KIF2A: variants seen among roughly 807,000 people sequenced by gnomAD.
KIF2A encodes the protein kinesin-like protein KIF2A.
In KIF2A, 22 loss-of-function variants were observed where a neutral mutation model predicts 100.2. The ratio of observed to expected loss-of-function variants is 0.22; its 90% CI spans 0.16 to 0.31. The LOEUF (loss-of-function observed/expected upper bound fraction) is 0.31, where lower values mean the gene tolerates loss of function less well. Ranked by LOEUF, KIF2A falls within the 10% of genes least tolerant of loss-of-function variation. KIF2A has a pLI of 1.00. For synonymous variants in KIF2A, 268 were observed against 285.9 expected, an observed-to-expected ratio of 0.94 and a Z score of 0.63; for missense variants, 495 against 898.7, an observed-to-expected ratio of 0.55 and a Z score of 5.74.
chr5:62,361,186 C>T, intron 9 of KIF2A, 56 bp from the exon 10 acceptor site: 1 of 879,534 alleles, frequency 1.1e-6, no homozygotes, highest in Non-Finnish European at 1.8e-6. Flanking sequence ...CTCAGCATTA[C>T]TATTATTCAT....
chr5:62,378,269 A>G (rs1162128495), intron 19 of KIF2A, among the ~76,000 whole-genome samples: 2 of 152,170 alleles, frequency 1.3e-5, no homozygotes, highest in Non-Finnish European at 2.9e-5. Context: ...TCATTCCATT[A>G]TGCATTCAAC....
intron 14 of KIF2A, among the ~76,000 whole-genome samples, chr5:62,364,187 G>A (rs565390153): frequency 1.6e-3 from 232 of 148,860 alleles, no homozygotes; most frequent in Non-Finnish European, 2.8e-3. Context: ...TTGCTCTTTC[G>A]CCCAGGCTGG....
intron 1 of KIF2A, among the ~76,000 whole-genome samples, chr5:62,336,317 G>T (rs1332461038): frequency 6.6e-6 from 1 of 152,214 alleles, no homozygotes; most frequent in African/African-American, 2.4e-5. Context: ...AAATGCCGCT[G>T]ATTTGCTCCT....
rs1474238537 is a variant in KIF2A at position 62,388,959 on chromosome 5, T to C, written c.*3390T>C. 1.3e-6 allele frequency: 2 copies of C among 1,537,854 alleles called. No individual in the cohort carries two copies. The highest frequency in any genetic ancestry group is 1.8e-6 in the Non-Finnish European group (2 of 1,120,744). Reference sequence around the variant, plus strand: ...GCATTATCTTCTCAAATACAAAAAATACAAAATTCATTTCTTTTCTTGACC... The same window carrying C: ...GCATTATCTTCTCAAATACAAAAAACACAAAATTCATTTCTTTTCTTGACC... On this transcript the variant is annotated 3_prime_UTR_variant, in exon 21 of 21. Coordinates refer to ENST00000407818, the MANE Select transcript of KIF2A (RefSeq NM_001098511.3).
chr5:62,388,704 A>G lies in KIF2A; in HGVS notation c.*3135A>G. The stretch of plus-strand genomic sequence containing the variant: ...CCTTACAGTATATAACAGTAAATAG[A>G]AGAGTAACATCTTTATACAATAAAC... On this transcript the variant is annotated 3_prime_UTR_variant, in exon 21 of 21. Transcript: ENST00000407818. 1 of 338,514 alleles carries G rather than the reference A, an allele frequency of 3.0e-6. No individual in the cohort carries two copies. 21.0% of individuals were successfully genotyped at this position (338,514 alleles called of 1,614,324 possible). A position where few individuals can be genotyped will look rare whatever the true frequency, so the allele number is the denominator to read the frequency against.
intron 1 of KIF2A, among the ~76,000 whole-genome samples, chr5:62,310,826 A>G (rs1426989306): frequency 6.6e-6 from 1 of 152,124 alleles, no homozygotes; most frequent in Non-Finnish European, 1.5e-5. Context: ...ACTGACTCTT[A>G]AAAAAACCTA....
chr5:62,330,911 A>G (rs906559757), intron 1 of KIF2A, among the ~76,000 whole-genome samples: 1 of 152,162 alleles, frequency 6.6e-6, no homozygotes, highest in African/African-American at 2.4e-5. Flanking sequence ...TATGTGTACA[A>G]ATTTTTAAAT....
chr5:62,318,489 G>A (rs970776481), intron 1 of KIF2A, among the ~76,000 whole-genome samples: 6 of 152,050 alleles, frequency 3.9e-5, no homozygotes, highest in Admixed American at 1.3e-4. Context: ...CTATAACTTC[G>A]CTCTAAGTAT....
chr5:62,343,420 G>A (rs918581218), intron 1 of KIF2A, among the ~76,000 whole-genome samples: 1 of 152,080 alleles, frequency 6.6e-6, no homozygotes, highest in Non-Finnish European at 1.5e-5. Context: ...GAATGGAGGT[G>A]GTATTGTGTG....
chr5:62,347,634 T>TG (rs1205640705), intron 2 of KIF2A, among the ~76,000 whole-genome samples: 1 of 152,102 alleles, frequency 6.6e-6, no homozygotes, highest in Admixed American at 6.6e-5. Flanking sequence ...ATTCTTTTTT[T>TG]TTTGTTTTTG....
At chr5:62,310,972 A>G (rs1745524547) in intron 1 of KIF2A, among the ~76,000 whole-genome samples, 1 of 152,188 alleles carries the variant, frequency 6.6e-6, no homozygotes, top group Non-Finnish European at 1.5e-5. Context: ...AGCTGCAGCT[A>G]ATATGGGATT....
In KIF2A at chr5:62,361,455, T is replaced by G; in HGVS notation, c.964-11T>G. ...GTAATGTCTGTTCTTTATTTTCTTT[T>G]TAAAATATAGACTATGGGTGGTGAC... On this transcript the variant is annotated splice_polypyrimidine_tract_variant and intron_variant, in intron 10 of 20. Transcript: ENST00000407818. The G allele has an allele frequency of 6.5e-7, 1 of 1,546,890 alleles. No homozygotes were observed. Among genetic ancestry groups the G allele is most frequent in the African/African-American group, 1.4e-5 (1 of 73,226 alleles).
At chr5:62,327,693 A>G (rs1396616791) in intron 1 of KIF2A, among the ~76,000 whole-genome samples, 1 of 152,162 alleles carries the variant, frequency 6.6e-6, no homozygotes, top group African/African-American at 2.4e-5. Flanking sequence ...TGAAATATAC[A>G]TTTTACCCTA....
chr5:62,385,241 A>G (rs1741965494), intron 20 of KIF2A, among the ~76,000 whole-genome samples: 1 of 152,236 alleles, frequency 6.6e-6, no homozygotes, highest in African/African-American at 2.4e-5. Context: ...AAATGTGCCA[A>G]ACAGAACAGA....
chr5:62,363,599 A>G, intron 13 of KIF2A, 96 bp from the exon 14 acceptor site: 3 of 1,078,586 alleles, frequency 2.8e-6, no homozygotes, highest in South Asian at 1.5e-5. Flanking sequence ...AGCTAAATCG[A>G]TGTTTTTGCT....
intron 3 of KIF2A, among the ~76,000 whole-genome samples, chr5:62,349,387 T>G (rs772083790): frequency 9.9e-5 from 15 of 152,154 alleles, no homozygotes; most frequent in Non-Finnish European, 1.8e-4. Context: ...AGATTCAGTT[T>G]TATTTTACCT....
At chr5:62,380,981 T>A (rs1479255849) in intron 19 of KIF2A, 137 bp from the exon 20 acceptor site, 4 of 661,764 alleles carry the variant, frequency 6.0e-6, no homozygotes, top group African/African-American at 5.5e-5. Context: ...ATACTGTCTG[T>A]GAATAAAGAT....
At chr5:62,344,805 A>G (rs1234453851) in intron 1 of KIF2A, among the ~76,000 whole-genome samples, 1 of 152,228 alleles carries the variant, frequency 6.6e-6, no homozygotes, top group African/African-American at 2.4e-5. Flanking sequence ...ATTGTCATGG[A>G]AAGATCACTA....
Position 62,306,398 on chromosome 5 carries a change from A to AAC in KIF2A, c.-75_-74insAC. The AAC allele has an allele frequency of 2.7e-5, 20 of 751,702 alleles. No individual in the cohort carries two copies. The highest frequency in any genetic ancestry group is 9.7e-5 in the East Asian group (3 of 30,976). 46.6% of individuals were successfully genotyped at this position (751,702 alleles called of 1,614,324 possible). A position where few individuals can be genotyped will look rare whatever the true frequency, so the allele number is the denominator to read the frequency against. ...GGCAACCGCTCCCCCTCCCACACCT[A>AAC]CCCCGCCCCCTCCCCGCCTTTTCCG... On this transcript the variant is annotated 5_prime_UTR_variant, in exon 1 of 21. Coordinates refer to ENST00000407818, the MANE Select transcript of KIF2A (RefSeq NM_001098511.3).
Sources: allele counts gnomAD v4.1 joint callset (sites outside exome capture counted in the v4.1 genomes callset), GRCh38; gene constraint gnomAD v4.1.1; transcripts MANE v1.5; gene names NCBI Gene and HGNC (gene_info 2026-07-23, HGNC 2026-07-21).